GLIS1: variants seen among roughly 807,000 people sequenced by gnomAD.
GLIS1 encodes GLIS family zinc finger 1.
Under a neutral mutation model 63.8 loss-of-function variants are expected in GLIS1, and 24 were observed. The observed-to-expected ratio is 0.38, with a 90% CI of 0.27 to 0.53. The LOEUF is 0.53. Ranked by LOEUF, GLIS1 falls within the 20% of genes least tolerant of loss-of-function variation. The probability of loss-of-function intolerance (pLI) is 0.85; values close to 1 mark genes in which losing one functional copy is unlikely to be tolerated. For missense variants in GLIS1, 1,036 were observed against 1,074.1 expected (o/e 0.96, Z 0.50); for synonymous variants, 450 against 482.5 (o/e 0.93, Z 0.88).
intron 2 of GLIS1, among the ~76,000 whole-genome samples, chr1:53,612,021 C>T (rs1389330938): frequency 6.6e-6 from 1 of 151,576 alleles, no homozygotes; most frequent in Non-Finnish European, 1.5e-5. Context: ...TTTGTAGATA[C>T]CATGTCTTGC....
intron 2 of GLIS1, among the ~76,000 whole-genome samples, chr1:53,618,512 A>G (rs942663322): frequency 3.9e-5 from 6 of 152,212 alleles, no homozygotes; most frequent in African/African-American, 1.4e-4. Flanking sequence ...AGCAGCACCT[A>G]GCAGTGTTTT....
intron 2 of GLIS1, among the ~76,000 whole-genome samples, chr1:53,604,912 ATG>A (rs763835438): frequency 1.1e-3 from 42 of 36,946 alleles, no homozygotes; most frequent in African/African-American, 1.5e-3. Context: ...ATATATATAT[ATG>A]TGTGTGTGTG....
intron 4 of GLIS1, among the ~76,000 whole-genome samples, chr1:53,534,924 A>G (rs1340241645): frequency 6.6e-6 from 1 of 151,984 alleles, no homozygotes; most frequent in Non-Finnish European, 1.5e-5. Flanking sequence ...GAGGCTGGGG[A>G]GCTACAAAAG....
intron 2 of GLIS1, among the ~76,000 whole-genome samples, chr1:53,640,801 C>T (rs1248025453): frequency 6.6e-6 from 1 of 152,228 alleles, no homozygotes; most frequent in Non-Finnish European, 1.5e-5. Flanking sequence ...ACTCCCTCCC[C>T]TACCCCATGC....
In GLIS1 at chr1:53,721,152, A is replaced by G. The variant is rs1020584602; in HGVS notation, c.259+16654T>C. Among the ~76,000 whole-genome samples, 5 of 149,538 alleles carry G rather than the reference A, an allele frequency of 3.3e-5. No individual in the cohort carries two copies. In the East Asian group the frequency reaches 5.8e-4, roughly 17 times the overall value. On this transcript the variant is annotated intron_variant, in intron 2 of 10. Coordinates refer to ENST00000628545, the MANE Select transcript of GLIS1 (RefSeq NM_001367484.1). Reference sequence around the variant, plus strand: ...AATCATGTATTGAATGACTGAAAGGAAAAAAAAAGAGAACTAAATCTTCAT... The same window carrying G: ...AATCATGTATTGAATGACTGAAAGGGAAAAAAAAGAGAACTAAATCTTCAT...
At chr1:53,637,833 T>C (rs770727266) in intron 2 of GLIS1, among the ~76,000 whole-genome samples, 2 of 152,048 alleles carry the variant, frequency 1.3e-5, no homozygotes, top group African/African-American at 2.4e-5. Context: ...TATCAAGCAG[T>C]GATGGCCAGA....
At chr1:53,603,242 C>A (rs1292943410) in intron 2 of GLIS1, among the ~76,000 whole-genome samples, 1 of 152,162 alleles carries the variant, frequency 6.6e-6, no homozygotes, top group African/African-American at 2.4e-5. Flanking sequence ...CATTCAAGCC[C>A]TTGTCTGCTG....
intron 2 of GLIS1, among the ~76,000 whole-genome samples, chr1:53,692,745 T>C (rs970512832): frequency 2.0e-5 from 3 of 152,138 alleles, no homozygotes; most frequent in African/African-American, 7.2e-5. Flanking sequence ...AGAAGGGAAG[T>C]TGGGGAAACC....
At position 53,709,353 on chromosome 1, in the gene GLIS1, T is replaced by TATATAC. The variant is rs201933757; in HGVS notation, c.259+28447_259+28452dup. On this transcript the variant is annotated intron_variant, in intron 2 of 10. Transcript: ENST00000628545. ...ACACATATATATACATATATACATA[T>TATATAC]ATATACATATACATATATATATACA... Among the ~76,000 whole-genome samples, 400 of 95,442 alleles carry TATATAC rather than the reference T, an allele frequency of 4.2e-3. 3 individuals are homozygous for TATATAC. Among genetic ancestry groups the TATATAC allele is most frequent in the South Asian group, 0.014 (52 of 3,840 alleles). The allele number at this position is 95,442 out of a possible 152,430, so 62.6% of individuals were successfully genotyped here.
At chr1:53,689,481 T>C (rs1297269395) in intron 2 of GLIS1, among the ~76,000 whole-genome samples, 2 of 151,710 alleles carry the variant, frequency 1.3e-5, no homozygotes, top group African/African-American at 4.8e-5. Flanking sequence ...CCCAGAAACA[T>C]CCTGAGCTGA....
chr1:53,735,970 G>C (rs1259616493), intron 2 of GLIS1, among the ~76,000 whole-genome samples: 1 of 152,180 alleles, frequency 6.6e-6, no homozygotes, highest in Admixed American at 6.5e-5. Context: ...GGCCAGGTTA[G>C]GCCAGAGCTG....
intron 2 of GLIS1, among the ~76,000 whole-genome samples, chr1:53,607,145 A>G (rs950170576): frequency 6.6e-6 from 1 of 152,128 alleles, no homozygotes; most frequent in African/African-American, 2.4e-5. Flanking sequence ...TAGAAAATAG[A>G]TATCACCTAT....
At chr1:53,534,826 C>A (rs1262061643) in intron 4 of GLIS1, among the ~76,000 whole-genome samples, 1 of 152,040 alleles carries the variant, frequency 6.6e-6, no homozygotes, top group Admixed American at 6.5e-5. Flanking sequence ...AGCTGAGACC[C>A]AAGGGCGTCA....
intron 2 of GLIS1, among the ~76,000 whole-genome samples, chr1:53,642,290 G>T (rs974083714): frequency 1.3e-5 from 2 of 152,246 alleles, no homozygotes; most frequent in Non-Finnish European, 2.9e-5. Context: ...GATCAGGGGA[G>T]CTGTCTTGCT....
chr1:53,577,466 C>T (rs1411166120), intron 4 of GLIS1, among the ~76,000 whole-genome samples: 2 of 152,222 alleles, frequency 1.3e-5, no homozygotes, highest in East Asian at 3.9e-4. Context: ...ACACGTGAGT[C>T]TTACTGGCTG....
rs557650798 is a variant in GLIS1, at chr1:53,738,336, C to T, written c.-42-230G>A. Among the ~76,000 whole-genome samples the T allele has an allele frequency of 5.8e-4, 89 of 152,264 alleles. 1 individual carries two copies. Among genetic ancestry groups the T allele is most frequent in the African/African-American group, 2.0e-3 (84 of 41,574 alleles). On this transcript the variant is annotated intron_variant, in intron 1 of 10. Transcript: ENST00000628545. The stretch of plus-strand genomic sequence containing the variant: ...CCTGGTGTGGGGAGGACCCCAGGCC[C>T]CCGCGCCGCGGCGCATTACCGCGAA...
At chr1:53,641,032 T>C (rs17387150) in intron 2 of GLIS1, among the ~76,000 whole-genome samples, 2 of 152,126 alleles carry the variant, frequency 1.3e-5, no homozygotes, top group African/African-American at 4.8e-5. Context: ...GGTTTAAACC[T>C]GACCCTGGGG....
chr1:53,509,405 TGA>T (rs1243086649), intron 9 of GLIS1, 118 bp from the exon 10 acceptor site: 135 of 1,124,614 alleles, frequency 1.2e-4, no homozygotes, highest in East Asian at 1.6e-4. Context: ...ATTGTGGGTG[TGA>T]GAGAGAGAGG....
intron 4 of GLIS1, among the ~76,000 whole-genome samples, chr1:53,530,426 T>G (rs1358738748): frequency 6.6e-6 from 1 of 152,138 alleles, no homozygotes; most frequent in Non-Finnish European, 1.5e-5. Flanking sequence ...TTTTCAAGCT[T>G]GAGACTGTGT....
Sources: gnomAD v4.1 joint callset for allele counts (sites outside exome capture counted in the v4.1 genomes callset) on GRCh38, gnomAD v4.1.1 for gene constraint, MANE v1.5 for transcripts, NCBI Gene and HGNC (gene_info 2026-07-23, HGNC 2026-07-21) for gene names.